Variants in LY9 observed in about 807,000 individuals in gnomAD.
LY9 encodes T-lymphocyte surface antigen Ly-9.
LY9 carries 59 observed loss-of-function variants against 64.6 expected under a neutral mutation model. The ratio of observed to expected loss-of-function variants is 0.91; its 90% CI spans 0.74 to 1.13. The LOEUF is 1.13. LY9 is among the 50% of genes most tolerant of loss of function. LY9 has a pLI of 0.00. For missense variants in LY9, 789 were observed against 797.2 expected (o/e 0.99, Z 0.12); for synonymous variants, 281 against 308.5 (o/e 0.91, Z 0.93).
intron 2 of LY9, among the ~76,000 whole-genome samples, chr1:160,807,736 G>A (rs1031071664): frequency 6.6e-6 from 1 of 152,182 alleles, no homozygotes; most frequent in Non-Finnish European, 1.5e-5. Context: ...GGTGGCACTT[G>A]CAGGTAGGTG....
chr1:160,824,053 C>G, intron 8 of LY9, 128 bp from the exon 9 acceptor site: 1 of 1,183,758 alleles, frequency 8.4e-7, no homozygotes, highest in Admixed American at 2.0e-5. Flanking sequence ...CCCCACTGCA[C>G]TAAGGCAGCT....
intron 2 of LY9, chr1:160,800,323 C>T (rs1221225278): frequency 2.5e-5 from 11 of 433,006 alleles, no homozygotes; most frequent in Non-Finnish European, 3.3e-5. Flanking sequence ...ACCCACTTCT[C>T]TTCATCATCC....
At chr1:160,820,346 A>G (rs1484549658) in intron 7 of LY9, among the ~76,000 whole-genome samples, 1 of 152,106 alleles carries the variant, frequency 6.6e-6, no homozygotes, top group Non-Finnish European at 1.5e-5. Flanking sequence ...ATTTCACCTT[A>G]AACTCTGGAG....
intron 2 of LY9, among the ~76,000 whole-genome samples, chr1:160,808,663 C>G (rs1667204772): frequency 6.6e-6 from 1 of 152,196 alleles, no homozygotes. Flanking sequence ...CCTTCTCCTT[C>G]CCTGCTTTTA....
chr1:160,814,669 T>G lies in LY9; in HGVS notation c.980T>G (p.Leu327Arg). 6.2e-7 allele frequency: 1 copy of G among 1,614,226 alleles called. No homozygotes were observed. Among genetic ancestry groups the G allele is most frequent in the Non-Finnish European group, 8.5e-7 (1 of 1,180,040 alleles). The stretch of plus-strand genomic sequence containing the variant: ...GACTGCTCCCTGAAGATCAGCCAGC[T>G]GAAGATAGAGGACGCCGGCCCCTAC... ...SQDCSLKISQ[L>R]KIEDAGPYHA... Residue 327 changes from leucine to arginine, a missense_variant, in exon 4 of 10, where the codon CTG becomes CGG. Leu to Arg is a moderately radical substitution (Grantham distance 102). Transcript: ENST00000263285.
At chr1:160,796,526 G>A (rs1348911247) in intron 1 of LY9, among the ~76,000 whole-genome samples, 1 of 152,050 alleles carries the variant, frequency 6.6e-6, no homozygotes, top group African/African-American at 2.4e-5. Context: ...TTGAGTAGCT[G>A]GGATTACAGG....
intron 2 of LY9, among the ~76,000 whole-genome samples, chr1:160,806,643 T>C (rs1330755165): frequency 5.3e-5 from 8 of 152,236 alleles, no homozygotes; most frequent in Non-Finnish European, 1.2e-4. Context: ...GATGTTTTTC[T>C]CTTACTGTTT....
At chr1:160,819,849 AAGGAAGGGAGGG>A (rs71090329) in intron 7 of LY9, among the ~76,000 whole-genome samples, 26,128 of 54,728 alleles carry the variant, frequency 0.48, 3,456 homozygotes, top group South Asian at 0.6. Flanking sequence ...GGAAGGAAGG[AAGGAAGGGAGGG>A]AGGGAGGGAG....
intron 2 of LY9, among the ~76,000 whole-genome samples, chr1:160,806,231 T>C (rs186226353): frequency 1.8e-4 from 27 of 152,350 alleles, no homozygotes; most frequent in African/African-American, 6.5e-4. Flanking sequence ...TCTGGTTGTC[T>C]CATATATTCT....
intron 7 of LY9, among the ~76,000 whole-genome samples, chr1:160,820,178 G>GA (rs1292037251): frequency 1.3e-5 from 2 of 152,144 alleles, no homozygotes; most frequent in Non-Finnish European, 2.9e-5. Flanking sequence ...ATCTGTGGTA[G>GA]AAAAAAATTT....
intron 4 of LY9, 25 bp downstream of exon 4, chr1:160,814,786 T>C (rs1333504505): frequency 6.3e-7 from 1 of 1,578,606 alleles, no homozygotes; most frequent in Admixed American, 1.8e-5. Context: ...AGGGCACCCA[T>C]CACCAGATTC....
At chr1:160,805,741 TCACACACACACACACACA>T (rs60721619) in intron 2 of LY9, among the ~76,000 whole-genome samples, 3,041 of 140,674 alleles carry the variant, frequency 0.022, 107 homozygotes, top group African/African-American at 0.057. Context: ...TCTCTCTGTC[TCACACACACACACACACA>T]CACACACACA....
At chr1:160,807,559 T>C (rs1222523890) in intron 2 of LY9, among the ~76,000 whole-genome samples, 1 of 152,160 alleles carries the variant, frequency 6.6e-6, no homozygotes, top group Admixed American at 6.5e-5. Flanking sequence ...CAGATACCGA[T>C]AATGGCAGCA....
intron 1 of LY9, chr1:160,797,300 T>G: frequency 1.0e-6 from 1 of 985,236 alleles, no homozygotes; most frequent in Non-Finnish European, 1.2e-6. Context: ...CTGAGAGCAG[T>G]GGGGGTTGGC....
chr1:160,813,997 C>A, intron 3 of LY9, 86 bp downstream of exon 3: 1 of 1,406,014 alleles, frequency 7.1e-7, no homozygotes, highest in Non-Finnish European at 9.7e-7. Context: ...CCTGGTCAGA[C>A]ACACAGGGGG....
intron 2 of LY9, chr1:160,802,366 C>A: frequency 1.0e-6 from 1 of 987,944 alleles, no homozygotes; most frequent in Non-Finnish European, 1.2e-6. Flanking sequence ...TGGCTGCGGC[C>A]CCCTCTCAGC....
chr1:160,824,535 T>G, intron 9 of LY9: 1 of 985,256 alleles, frequency 1.0e-6, no homozygotes, highest in South Asian at 4.7e-5. Context: ...AGGTAGGGTC[T>G]TTATAGCTTT....
At position 160,799,965 on chromosome 1, in the gene LY9, A is replaced by G. The variant is rs1022448182; in HGVS notation, c.337A>G (p.Ser113Gly). 88 of 1,614,002 alleles carry G rather than the reference A, an allele frequency of 5.5e-5. No individual in the cohort carries two copies. The highest frequency in any genetic ancestry group is 7.4e-5 in the Non-Finnish European group (87 of 1,180,002). ...YLGRLDITKW[S>G]YSLCISNLTL... ...GGGCCGACTAGACATCACCAAGTGG[A>G]GTTACTCCCTGTGCATCAGCAATCT... The change falls in exon 2 of 10, where the codon AGT becomes GGT. Residue 113 changes from serine to glycine, a missense_variant. Ser to Gly is a moderately conservative substitution (Grantham distance 56). Coordinates refer to ENST00000263285, the MANE Select transcript of LY9 (RefSeq NM_002348.4).
intron 2 of LY9, 83 bp downstream of exon 2, chr1:160,800,165 A>G: frequency 9.5e-7 from 1 of 1,053,632 alleles, no homozygotes; most frequent in Non-Finnish European, 1.4e-6. Context: ...AAATTTTGTT[A>G]TATGTATATA....
Sources: allele counts gnomAD v4.1 joint callset (sites outside exome capture counted in the v4.1 genomes callset), GRCh38; gene constraint gnomAD v4.1.1; transcripts MANE v1.5; gene names NCBI Gene and HGNC (gene_info 2026-07-23, HGNC 2026-07-21).